The following SVOPL variants were observed in gnomAD, a reference collection of about 807,000 sequenced individuals.
The protein encoded by SVOPL is putative transporter SVOPL.
In SVOPL, 60 loss-of-function variants were observed where a neutral mutation model predicts 61.0. That is an observed-to-expected ratio of 0.98 (90% CI 0.80 to 1.22). SVOPL has a LOEUF of 1.22. SVOPL is among the 50% of genes most tolerant of loss of function. The probability of loss-of-function intolerance (pLI) is 0.00; values close to 1 mark genes in which losing one functional copy is unlikely to be tolerated. For synonymous variants in SVOPL, 279 were observed against 250.0 expected (o/e 1.12, Z -1.09); for missense variants, 662 against 643.9 (o/e 1.03, Z -0.30).
intron 14 of SVOPL, among the ~76,000 whole-genome samples, chr7:138,615,182 A>T (rs1414877308): frequency 2.0e-5 from 3 of 152,158 alleles, no homozygotes; most frequent in African/African-American, 7.2e-5. Context: ...ATATGATGGT[A>T]TCACAGTTGG....
chr7:138,622,042 C>T (rs972714880), intron 13 of SVOPL, among the ~76,000 whole-genome samples: 2 of 73,810 alleles, frequency 2.7e-5, no homozygotes, highest in African/African-American at 1.4e-4. Flanking sequence ...ATCTATGTAT[C>T]TATCTATCTA....
In SVOPL at chr7:138,599,162, A is replaced by C. The variant is rs1450023932; in HGVS notation, c.1354-2632T>G. Among the ~76,000 whole-genome samples the C allele has an allele frequency of 1.1e-4, 12 of 113,996 alleles. No homozygotes were observed. In the East Asian group the frequency reaches 1.2e-3, roughly 12 times the overall value. The allele number at this position is 113,996 out of a possible 152,430, so 74.8% of individuals were successfully genotyped here. On this transcript the variant is annotated intron_variant, in intron 14 of 15. Coordinates refer to ENST00000674285, the MANE Select transcript of SVOPL (RefSeq NM_001139456.2). ...TCTCCAAAAAAAAAAAAAAAACCAAAAAAAAAAGAAATACAGAAATGTCAA... is the reference window on the plus strand; with the variant it reads ...TCTCCAAAAAAAAAAAAAAAACCAACAAAAAAAGAAATACAGAAATGTCAA...
intron 9 of SVOPL, among the ~76,000 whole-genome samples, chr7:138,630,393 T>C (rs1355080396): frequency 2.0e-5 from 3 of 152,160 alleles, no homozygotes; most frequent in African/African-American, 7.2e-5. Context: ...GCTCTTCCTC[T>C]GCCCACCAGC....
chr7:138,693,624 AAAG>A (rs1322028482), intron 1 of SVOPL, among the ~76,000 whole-genome samples: 11 of 151,704 alleles, frequency 7.3e-5, no homozygotes, highest in East Asian at 3.9e-4. Context: ...AAGAAAGAAA[AAAG>A]AAGAAAGAAG....
intron 14 of SVOPL, among the ~76,000 whole-genome samples, chr7:138,610,349 CTCTT>C (rs1339660815): frequency 1.3e-5 from 2 of 151,356 alleles, no homozygotes; most frequent in Non-Finnish European, 2.9e-5. Flanking sequence ...GAAATTTATA[CTCTT>C]TTTTTTTTTA....
At chr7:138,637,455 G>GAT (rs1457542181) in intron 9 of SVOPL, among the ~76,000 whole-genome samples, 3 of 36,694 alleles carry the variant, frequency 8.2e-5, no homozygotes, top group Admixed American at 3.2e-4. Flanking sequence ...TAGATAGATA[G>GAT]ATATATATAT....
chr7:138,631,374 A>G (rs917117637), intron 9 of SVOPL, among the ~76,000 whole-genome samples: 3 of 152,170 alleles, frequency 2.0e-5, no homozygotes, highest in Admixed American at 6.6e-5. Context: ...TCTAAAATGT[A>G]TGAGTAAGTT....
chr7:138,602,439 T>TGC lies in SVOPL; in HGVS notation c.1354-5911_1354-5910dup, dbSNP rs1798563564. ...AAGATTATTAGTGAGAAAAGGCAGT[T>TGC]GCTATATATATATATATATATATAT... is the stretch of plus-strand genomic sequence containing the variant. On this transcript the variant is annotated intron_variant, in intron 14 of 15. Coordinates refer to ENST00000674285, the MANE Select transcript of SVOPL (RefSeq NM_001139456.2). 2.6e-5 allele frequency among the ~76,000 whole-genome samples: 3 copies of TGC among 114,366 alleles called. No individual in the cohort carries two copies. The South Asian group carries it at 9.6e-4, about 37-fold the overall frequency. 75.0% of individuals were successfully genotyped at this position (114,366 alleles called of 152,430 possible). A position where few individuals can be genotyped will look rare whatever the true frequency, so the allele number is the denominator to read the frequency against.
chr7:138,597,491 AAAT>A (rs1326415210), intron 14 of SVOPL, among the ~76,000 whole-genome samples: 2 of 152,106 alleles, frequency 1.3e-5, no homozygotes, highest in Non-Finnish European at 2.9e-5. Flanking sequence ...CCAAAACACT[AAAT>A]AATTCCACTC....
chr7:138,596,626 G>C (rs1798293989), intron 14 of SVOPL, 96 bp from the exon 15 acceptor site: 2 of 1,485,676 alleles, frequency 1.3e-6, no homozygotes, highest in East Asian at 2.5e-5. Context: ...ACTTCACTAA[G>C]ATGGTCCTTT....
rs572168321 is a variant in SVOPL, at chr7:138,645,213, T to C, written c.661-368A>G. ...CAGGAACCCCAGGACCTCCCCACCA[T>C]GCAACCACCAAAGGGTGACAGGAAC... is the stretch of plus-strand genomic sequence containing the variant. On this transcript the variant is annotated intron_variant, in intron 8 of 15. Transcript: ENST00000674285. 9.5e-5 allele frequency among the ~76,000 whole-genome samples: 14 copies of C among 147,990 alleles called. No individual in the cohort carries two copies. The South Asian group carries it at 3.3e-3, about 34-fold the overall frequency.
Position 138,614,392 on chromosome 7 carries a change from CTTTTTTT to C in SVOPL, c.1353+6647_1353+6653del, listed in dbSNP as rs528123598. ...CCGCTGAATTTTGGCAGCATTTCAACTTTTTTTTTTTTTTTTTTTTTGAGACAGAGTG... is the reference window on the plus strand; with the variant it reads ...CCGCTGAATTTTGGCAGCATTTCAACTTTTTTTTTTTTTTGAGACAGAGTG... On this transcript the variant is annotated intron_variant, in intron 14 of 15. Transcript: ENST00000674285. Among the ~76,000 whole-genome samples, 220 of 137,900 alleles carry C rather than the reference CTTTTTTT, an allele frequency of 1.6e-3. 1 individual carries two copies. Among genetic ancestry groups the C allele is most frequent in the Non-Finnish European group, 2.1e-3 (135 of 64,286 alleles). The allele number at this position is 137,900 out of a possible 152,430, so 90.5% of individuals were successfully genotyped here.
chr7:138,660,797 T>C (rs1002139516), intron 5 of SVOPL: 1 of 977,470 alleles, frequency 1.0e-6, no homozygotes, highest in Non-Finnish European at 1.2e-6. Flanking sequence ...TTTAATAATA[T>C]TATATAATAA....
rs559050577 is a variant in SVOPL, at chr7:138,597,469, GGCT to G, written c.1354-942_1354-940del. ...TGGGAGCGTACCTCCTGTGTTTCAG[GGCT>G]GCTGCTTTCCAAAACACTAAATAAT... is the stretch of plus-strand genomic sequence containing the variant. On this transcript the variant is annotated intron_variant, in intron 14 of 15. Transcript: ENST00000674285. 3.0e-3 allele frequency among the ~76,000 whole-genome samples: 449 copies of G among 152,094 alleles called. 2 individuals are homozygous for G. The highest frequency in any genetic ancestry group is 9.6e-3 in the African/African-American group (399 of 41,490).
In SVOPL at chr7:138,644,750, G is replaced by A; in HGVS notation, c.756C>T (p.Val252=). 1 of 1,614,140 alleles carries A rather than the reference G, an allele frequency of 6.2e-7. No homozygotes were observed. The change falls in exon 9 of 16, where the codon GTC becomes GTT. Residue 252 remains valine, a synonymous_variant. Coordinates refer to ENST00000674285, the MANE Select transcript of SVOPL (RefSeq NM_001139456.2). ...GCTCCACCAGCTTCCCCTCCGGCAT[G>A]ACCGAGCGGTTCATCTTGGCAACGC... is the stretch of plus-strand genomic sequence containing the variant. ...LERVAKMNRS[V]MPEGKLVEPV... is the part of the protein sequence containing the mutation.
chr7:138,597,031 G>A (rs1798308101), intron 14 of SVOPL: 2 of 1,156,606 alleles, frequency 1.7e-6, no homozygotes, highest in African/African-American at 3.2e-5. Context: ...CGGTTATGGA[G>A]TTGTGTGACA....
intron 1 of SVOPL, among the ~76,000 whole-genome samples, chr7:138,687,228 CTT>C (rs71179722): frequency 0.17 from 12,699 of 76,310 alleles, 179 homozygotes; most frequent in Middle Eastern, 0.26. Context: ...CTTTTTTCCT[CTT>C]TTTTTTTTTT....
At chr7:138,615,215 C>CAGGT (rs1311001468) in intron 14 of SVOPL, among the ~76,000 whole-genome samples, 5 of 151,944 alleles carry the variant, frequency 3.3e-5, no homozygotes, top group African/African-American at 1.2e-4. Context: ...TGGGGATGAT[C>CAGGT]AGGTCATGAT....
At chr7:138,648,933 T>A in intron 8 of SVOPL, 79 bp downstream of exon 8, 1 of 1,591,290 alleles carries the variant, frequency 6.3e-7, no homozygotes, top group East Asian at 2.3e-5. Flanking sequence ...AGGGGGAAAA[T>A]AAAAGATATT....
Sources: gnomAD v4.1 joint callset for allele counts (sites outside exome capture counted in the v4.1 genomes callset) on GRCh38, gnomAD v4.1.1 for gene constraint, MANE v1.5 for transcripts, NCBI Gene and HGNC (gene_info 2026-07-23, HGNC 2026-07-21) for gene names.